KCNN2: variants seen among roughly 807,000 people sequenced by gnomAD.
KCNN2 encodes small conductance calcium-activated potassium channel protein 2.
KCNN2 carries 24 observed loss-of-function variants against 55.5 expected under a neutral mutation model. The ratio of observed to expected loss-of-function variants is 0.43; its 90% CI spans 0.31 to 0.61. KCNN2 has a LOEUF of 0.61. Ranked by LOEUF, KCNN2 falls within the 20% of genes least tolerant of loss-of-function variation. The pLI, the probability that KCNN2 is intolerant of heterozygous loss-of-function variation, is 0.08. For synonymous variants in KCNN2, 431 were observed against 336.1 expected, an observed-to-expected ratio of 1.28 and a Z score of -3.09; for missense variants, 754 against 853.6, an observed-to-expected ratio of 0.88 and a Z score of 1.45.
chr5:114,182,061 A>G (rs896613757), intron 1 of KCNN2, among the ~76,000 whole-genome samples: 3 of 152,116 alleles, frequency 2.0e-5, no homozygotes, highest in Non-Finnish European at 4.4e-5. Flanking sequence ...GTTAGATTTG[A>G]TATTTTTAAA....
At chr5:114,177,943 A>G (rs1010557370) in intron 1 of KCNN2, among the ~76,000 whole-genome samples, 1 of 152,188 alleles carries the variant, frequency 6.6e-6, no homozygotes, top group East Asian at 1.9e-4. Flanking sequence ...TTAAGACCCA[A>G]ATTCAGAAAC....
At chr5:114,415,710 A>C (rs78343931) in intron 3 of KCNN2, among the ~76,000 whole-genome samples, 8,449 of 152,240 alleles carry the variant, frequency 0.055, 261 homozygotes, top group African/African-American at 0.079. Flanking sequence ...TGGCAATTCA[A>C]ATTGCCCATT....
At chr5:114,142,204 T>C (rs554814631) in intron 1 of KCNN2, among the ~76,000 whole-genome samples, 1 of 152,086 alleles carries the variant, frequency 6.6e-6, no homozygotes, top group Non-Finnish European at 1.5e-5. Context: ...GAAGTCCTTG[T>C]CCATGCCTAT....
At chr5:114,147,485 C>G (rs1653779114) in intron 1 of KCNN2, among the ~76,000 whole-genome samples, 1 of 152,132 alleles carries the variant, frequency 6.6e-6, no homozygotes, top group Non-Finnish European at 1.5e-5. Context: ...AAGAAATACC[C>G]ATTCAACAAG....
intron 1 of KCNN2, among the ~76,000 whole-genome samples, chr5:114,164,151 T>C (rs1304141011): frequency 6.6e-6 from 1 of 152,162 alleles, no homozygotes; most frequent in Non-Finnish European, 1.5e-5. Context: ...TCTGGTGAAA[T>C]GTAGTATAAG....
chr5:114,276,756 T>C (rs1352562565), intron 2 of KCNN2, among the ~76,000 whole-genome samples: 2 of 151,626 alleles, frequency 1.3e-5, no homozygotes, highest in African/African-American at 4.8e-5. Context: ...GTCTCCTGAA[T>C]ACAGCACACT....
intron 2 of KCNN2, among the ~76,000 whole-genome samples, chr5:114,243,117 T>A (rs768310816): frequency 1.1e-3 from 160 of 152,294 alleles, no homozygotes; most frequent in Non-Finnish European, 1.8e-3. Flanking sequence ...ACATAGTATA[T>A]TTTATACTGC....
intron 1 of KCNN2, among the ~76,000 whole-genome samples, chr5:114,074,295 TGTGTG>T (rs1561464108): frequency 2.4e-5 from 1 of 41,198 alleles, no homozygotes; most frequent in Non-Finnish European, 6.0e-5. Context: ...CATGTTTGCG[TGTGTG>T]TGTGTGTGTG....
chr5:114,207,470 A>C (rs1451395891), intron 1 of KCNN2, among the ~76,000 whole-genome samples: 1 of 152,182 alleles, frequency 6.6e-6, no homozygotes, highest in Non-Finnish European at 1.5e-5. Context: ...TTTAATACCC[A>C]TACCTAGTAT....
chr5:114,459,995 C>G (rs537642417), intron 3 of KCNN2, among the ~76,000 whole-genome samples: 1 of 152,246 alleles, frequency 6.6e-6, no homozygotes, highest in African/African-American at 2.4e-5. Context: ...CCAGTGTATG[C>G]TTTTCATTGC....
chr5:114,134,458 G>GATTGATTGATTTATTTATTT (rs1452509272), intron 1 of KCNN2, among the ~76,000 whole-genome samples: 8 of 137,364 alleles, frequency 5.8e-5, no homozygotes, highest in South Asian at 4.8e-4. Flanking sequence ...ATCCAACCAT[G>GATTGATTGATTTATTTATTT]ATTTATTTAT....
chr5:114,282,264 T>C (rs1755639250), intron 2 of KCNN2, among the ~76,000 whole-genome samples: 1 of 152,126 alleles, frequency 6.6e-6, no homozygotes, highest in Admixed American at 6.6e-5. Context: ...AATTCATTTT[T>C]ACTTTGGTTG....
chr5:114,346,517 A>T (rs1049681649), intron 2 of KCNN2, among the ~76,000 whole-genome samples: 1 of 152,208 alleles, frequency 6.6e-6, no homozygotes, highest in African/African-American at 2.4e-5. Flanking sequence ...GTTAAAGGAA[A>T]GAGTAACAAG....
intron 5 of KCNN2, among the ~76,000 whole-genome samples, chr5:114,479,652 CA>C (rs1394084564): frequency 1.3e-5 from 2 of 152,028 alleles, no homozygotes; most frequent in African/African-American, 4.8e-5. Context: ...TCAGCAAATG[CA>C]AAAGAACTGA....
chr5:114,145,941 T>A (rs1346869923), intron 1 of KCNN2, among the ~76,000 whole-genome samples: 1 of 152,116 alleles, frequency 6.6e-6, no homozygotes, highest in Non-Finnish European at 1.5e-5. Flanking sequence ...TTGGATGTGC[T>A]AGTTGTTTCC....
At chr5:114,256,709 T>C (rs932770088) in intron 2 of KCNN2, among the ~76,000 whole-genome samples, 4 of 152,216 alleles carry the variant, frequency 2.6e-5, no homozygotes, top group South Asian at 2.1e-4. Context: ...TGCCCACTTA[T>C]TAATGGGATT....
At chr5:114,141,079 G>T (rs187794213) in intron 1 of KCNN2, among the ~76,000 whole-genome samples, 13 of 152,072 alleles carry the variant, frequency 8.5e-5, no homozygotes, top group South Asian at 4.2e-4. Context: ...AAGCCACCAT[G>T]CCTGCTTCAT....
intron 2 of KCNN2, among the ~76,000 whole-genome samples, chr5:114,400,781 A>T (rs1226105705): frequency 6.6e-6 from 1 of 152,140 alleles, no homozygotes; most frequent in African/African-American, 2.4e-5. Context: ...CTGGTTGTTT[A>T]CATGACTGGC....
At chr5:114,463,642 C>A (rs978268362) in intron 4 of KCNN2, among the ~76,000 whole-genome samples, 11 of 152,176 alleles carry the variant, frequency 7.2e-5, no homozygotes, top group African/African-American at 2.4e-4. Flanking sequence ...GAGTGCTAGG[C>A]ACTGGCCTAG....
Sources: allele counts gnomAD v4.1 joint callset (sites outside exome capture counted in the v4.1 genomes callset), GRCh38; gene constraint gnomAD v4.1.1; transcripts MANE v1.5; gene names NCBI Gene and HGNC (gene_info 2026-07-23, HGNC 2026-07-21).